The following MAD2L1BP variants were observed in gnomAD, a reference collection of about 807,000 sequenced individuals.
MAD2L1BP encodes the protein MAD2L1-binding protein.
MAD2L1BP carries 22 observed loss-of-function variants against 28.4 expected under a neutral mutation model. The observed-to-expected ratio is 0.77, with a 90% CI of 0.55 to 1.10. The LOEUF (loss-of-function observed/expected upper bound fraction) is 1.10, where lower values mean the gene tolerates loss of function less well. Among genes scored for constraint, MAD2L1BP ranks in the 50% least tolerant of loss-of-function variants. The pLI, the probability that MAD2L1BP is intolerant of heterozygous loss-of-function variation, is 0.00. For synonymous variants in MAD2L1BP, 146 were observed against 133.7 expected, an observed-to-expected ratio of 1.09 and a Z score of -0.63; for missense variants, 325 against 350.5, an observed-to-expected ratio of 0.93 and a Z score of 0.58.
intron 1 of MAD2L1BP, chr6:43,629,879 C>A (rs1769787996): frequency 3.0e-6 from 4 of 1,334,556 alleles, no homozygotes; most frequent in Admixed American, 5.0e-5. Flanking sequence ...GCTTTATTAC[C>A]AGGCTGGCAC....
intron 1 of MAD2L1BP, among the ~76,000 whole-genome samples, chr6:43,630,340 A>AG (rs1342090570): frequency 6.6e-6 from 1 of 152,212 alleles, no homozygotes; most frequent in African/African-American, 2.4e-5. Context: ...TCAGGACGCT[A>AG]GGGCTCAATT....
At chr6:43,631,890 A>AGTT (rs1769943019), upstream of MAD2L1BP, among the ~76,000 whole-genome samples, 1 of 152,024 alleles carries the variant, frequency 6.6e-6, no homozygotes, top group Non-Finnish European at 1.5e-5. Flanking sequence ...TGAGTCCAGA[A>AGTT]GTTGTTGTTG....
At chr6:43,634,453 T>G (rs1410384974), upstream of MAD2L1BP, among the ~76,000 whole-genome samples, 2 of 152,152 alleles carry the variant, frequency 1.3e-5, no homozygotes, top group Non-Finnish European at 2.9e-5. Context: ...GGTATTGAAC[T>G]CCTGGCCTCG....
chr6:43,637,689 C>G (rs1335737866), intron 2 of MAD2L1BP, among the ~76,000 whole-genome samples: 1 of 151,628 alleles, frequency 6.6e-6, no homozygotes, highest in African/African-American at 2.4e-5. Flanking sequence ...ACCTCCGCCT[C>G]CCAGGTTCAA....
In MAD2L1BP at chr6:43,640,210, G is replaced by T. The variant is rs771825318; in HGVS notation, c.502G>T (p.Asp168Tyr). ...AAGCCCCAAGGAGTTCTATGAACTC[G>T]ACTTGTCTCTGCTGGCCCCCTACAG... ...ALSPKEFYELDLSLLAPYSVD... is the reference protein window; with the variant it reads ...ALSPKEFYELYLSLLAPYSVD... Residue 168 changes from aspartate to tyrosine, a missense_variant, in exon 3 of 3, where the codon GAC (aspartate) becomes TAC (tyrosine). By Grantham distance (160) the Asp-to-Tyr change is radical. Coordinates refer to ENST00000372171, the MANE Select transcript of MAD2L1BP (RefSeq NM_014628.3). 2.0e-5 allele frequency: 32 copies of T among 1,613,786 alleles called. No individual in the cohort carries two copies. Among genetic ancestry groups the T allele is most frequent in the Non-Finnish European group, 2.6e-5 (31 of 1,179,968 alleles).
chr6:43,630,448 TAAAC>T (rs1484191169), intron 1 of MAD2L1BP, among the ~76,000 whole-genome samples: 4 of 151,964 alleles, frequency 2.6e-5, no homozygotes, highest in Non-Finnish European at 5.9e-5. Context: ...GTCAAGAAAT[TAAAC>T]AACTCAGCCG....
chr6:43,635,767 C>G (rs957808291), upstream of MAD2L1BP: 3 of 1,180,070 alleles, frequency 2.5e-6, no homozygotes, highest in Non-Finnish European at 3.4e-6. Flanking sequence ...TGCGGCGACG[C>G]CGCGCCTTTT....
chr6:43,635,830 C>G (rs1239468329), upstream of MAD2L1BP: 4 of 1,441,042 alleles, frequency 2.8e-6, no homozygotes, highest in Non-Finnish European at 3.6e-6. Context: ...TGATGCCCCG[C>G]GAGACCTTTA....
upstream of MAD2L1BP, among the ~76,000 whole-genome samples, chr6:43,631,238 C>G (rs1351314124): frequency 6.6e-6 from 1 of 152,184 alleles, no homozygotes; most frequent in African/African-American, 2.4e-5. Flanking sequence ...TCCTGTGCCA[C>G]TGAAGGAAAG....
chr6:43,632,684 T>A (rs1217861301), upstream of MAD2L1BP, among the ~76,000 whole-genome samples: 2 of 148,880 alleles, frequency 1.3e-5, no homozygotes, highest in South Asian at 2.1e-4. Context: ...TTTTTTTTTT[T>A]AATAGAGACA....
intron 1 of MAD2L1BP, 140 bp from the exon 2 acceptor site, chr6:43,636,241 T>G: frequency 2.6e-6 from 2 of 781,286 alleles, no homozygotes; most frequent in East Asian, 2.7e-5. Context: ...CGGCCCATAC[T>G]GTAGGCTGCG....
Position 43,640,107 on chromosome 6 carries a change from T to C in MAD2L1BP, c.399T>C (p.Ser133=). ...AACAAGCCCTGGCAGAACTGGAGAG[T>C]GTCCTCAGCCACCTGGAGGACTTCT... The part of the protein sequence containing the change: ...KCQQALAELE[S]VLSHLEDFFA... The change falls in exon 3 of 3, where the codon AGT becomes AGC. Residue 133 remains serine (S), a synonymous_variant. Transcript: ENST00000372171. 1 of 1,604,972 alleles carries C rather than the reference T, an allele frequency of 6.2e-7. No homozygotes were observed. The highest frequency in any genetic ancestry group is 2.2e-5 in the East Asian group (1 of 44,546).
chr6:43,634,733 G>C (rs1770106824), upstream of MAD2L1BP, among the ~76,000 whole-genome samples: 1 of 151,996 alleles, frequency 6.6e-6, no homozygotes, highest in East Asian at 1.9e-4. Flanking sequence ...GCTAAATTTT[G>C]TATTTTTAGT....
At chr6:43,629,551 G>A in exon 1 of MAD2L1BP, 1 of 652,594 alleles carries the variant, frequency 1.5e-6, no homozygotes, top group Non-Finnish European at 2.7e-6. Context: ...GGGGAATTTA[G>A]AGCCTCGAGG....
At chr6:43,637,140 C>T (rs775242306) in intron 2 of MAD2L1BP, among the ~76,000 whole-genome samples, 2 of 152,192 alleles carry the variant, frequency 1.3e-5, no homozygotes, top group Middle Eastern at 3.2e-3. Context: ...TCTCGGCTCA[C>T]TGCAGCCTCC....
Position 43,629,860 on chromosome 6 carries a change from G to A in MAD2L1BP, c.20+91G>A, listed in dbSNP as rs1037507033. 3.1e-5 allele frequency: 45 copies of A among 1,434,314 alleles called. No individual in the cohort carries two copies. The African/African-American group carries it at 4.7e-4, about 15-fold the overall frequency. The allele number at this position is 1,434,314 out of a possible 1,614,324, so 88.8% of individuals were successfully genotyped here. A position where few individuals can be genotyped will look rare whatever the true frequency, so the allele number is the denominator to read the frequency against. ...GGGATGATTATGCTACCTTTACATA[G>A]TAGTCACTGCTTTATTACCAGGCTG... On this transcript the variant is annotated intron_variant, in intron 1 of 3. Transcript: ENST00000451025.
Position 43,636,560 on chromosome 6 carries a change from C to G in MAD2L1BP, c.226C>G (p.Leu76Val), listed in dbSNP as rs1208253679. Reference protein sequence around the residue: ...QEGCCQFTCELLKHIMYQRQQ... With the variant: ...QEGCCQFTCEVLKHIMYQRQQ... Reference sequence around the variant, plus strand: ...AGGCTGCTGTCAGTTTACTTGTGAACTTCTAAAGCATATCATGTATCAACG... The same window carrying G: ...AGGCTGCTGTCAGTTTACTTGTGAAGTTCTAAAGCATATCATGTATCAACG... The change falls in exon 2 of 3, where the codon CTT becomes GTT. Residue 76 changes from leucine (L) to valine (V), a missense_variant. Leu to Val is a conservative substitution (Grantham distance 32). Coordinates refer to ENST00000372171, the MANE Select transcript of MAD2L1BP (RefSeq NM_014628.3). The G allele has an allele frequency of 1.2e-6, 2 of 1,614,070 alleles. No individual in the cohort carries two copies. The highest frequency in any genetic ancestry group is 1.3e-5 in the African/African-American group (1 of 74,922).
In MAD2L1BP at chr6:43,640,111, C is replaced by G; in HGVS notation, c.403C>G (p.Leu135Val). The change falls in exon 3 of 3, where the codon CTC (leucine) becomes GTC (valine). Residue 135 changes from leucine to valine, a missense_variant. Transcript: ENST00000372171. ...AGCCCTGGCAGAACTGGAGAGTGTC[C>G]TCAGCCACCTGGAGGACTTCTTTGC... ...QQALAELESV[L>V]SHLEDFFART... 2 of 1,607,730 alleles carry G rather than the reference C, an allele frequency of 1.2e-6. No individual in the cohort carries two copies. Among genetic ancestry groups the G allele is most frequent in the South Asian group, 1.1e-5 (1 of 90,602 alleles).
rs985221164 is a variant in MAD2L1BP, at chr6:43,636,467, G to A, written c.133G>A (p.Ala45Thr). The A allele has an allele frequency of 2.5e-6, 4 of 1,614,168 alleles. No individual in the cohort carries two copies. The African/African-American group carries it at 5.3e-5, about 22-fold the overall frequency. Residue 45 changes from alanine (A) to threonine (T), a missense_variant, in exon 2 of 3, where the codon GCT (alanine) becomes ACT (threonine). Transcript: ENST00000372171. ...ETSSTQEPLNASEAFCPRDCM... is the reference protein window; with the variant it reads ...ETSSTQEPLNTSEAFCPRDCM... ...AAGCTCTACGCAGGAACCTCTCAAC[G>A]CTTCGGAGGCCTTTTGCCCAAGAGA...
Sources: gnomAD v4.1 joint callset for allele counts (sites outside exome capture counted in the v4.1 genomes callset) on GRCh38, gnomAD v4.1.1 for gene constraint, MANE v1.5 for transcripts, NCBI Gene and HGNC (gene_info 2026-07-23, HGNC 2026-07-21) for gene names.